The following FSD1L variants were observed in gnomAD, a reference collection of about 807,000 sequenced individuals.
The protein encoded by FSD1L is fibronectin type III and SPRY domain containing 1 like.
A neutral mutation model predicts 71.6 loss-of-function variants in FSD1L; 45 were observed. That is an observed-to-expected ratio of 0.63 (90% CI 0.49 to 0.81). FSD1L has a LOEUF of 0.81. Among genes scored for constraint, FSD1L ranks in the 30% least tolerant of loss-of-function variants. The pLI, the probability that FSD1L is intolerant of heterozygous loss-of-function variation, is 0.00. For missense variants in FSD1L, 561 were observed against 618.1 expected, an observed-to-expected ratio of 0.91 and a Z score of 0.98; for synonymous variants, 197 against 207.2, an observed-to-expected ratio of 0.95 and a Z score of 0.42.
At chr9:105,471,715 T>A (rs977065084) in intron 4 of FSD1L, among the ~76,000 whole-genome samples, 189 bp from the exon 5 acceptor site, 11 of 120,606 alleles carry the variant, frequency 9.1e-5, no homozygotes, top group African/African-American at 3.6e-4. Context: ...ATAAAAAAAA[T>A]AACACGTTTT....
chr9:105,463,446 A>G lies in FSD1L; in HGVS notation c.112-790A>G, dbSNP rs182788323. Among the ~76,000 whole-genome samples the G allele has an allele frequency of 5.3e-5, 8 of 152,342 alleles. No homozygotes were observed. The East Asian group carries it at 7.7e-4, about 15-fold the overall frequency. ...ACTGCAACTAGACTTGTGCTGTCCA[A>G]TATGATAGCATTGGTTACATTTGAC... On this transcript the variant is annotated intron_variant, in intron 2 of 13. Transcript: ENST00000481272.
intron 10 of FSD1L, chr9:105,524,694 T>C (rs568621322): frequency 7.4e-6 from 12 of 1,613,982 alleles, no homozygotes; most frequent in Admixed American, 5.0e-5. Flanking sequence ...CTCTCCTGAC[T>C]CAGAACGATC....
At chr9:105,471,275 A>G (rs1564090047) in intron 4 of FSD1L, among the ~76,000 whole-genome samples, 1 of 152,150 alleles carries the variant, frequency 6.6e-6, no homozygotes, top group Non-Finnish European at 1.5e-5. Context: ...GCAACTGGTA[A>G]TATTTTCCCT....
intron 13 of FSD1L, among the ~76,000 whole-genome samples, chr9:105,545,312 G>A (rs1166476669): frequency 6.8e-6 from 1 of 146,244 alleles, no homozygotes; most frequent in African/African-American, 2.7e-5. Context: ...ATCAGCTTAA[G>A]GAGATTTTGG....
At chr9:105,465,389 T>A (rs1830990969) in intron 3 of FSD1L, among the ~76,000 whole-genome samples, 1 of 152,142 alleles carries the variant, frequency 6.6e-6, no homozygotes, top group Non-Finnish European at 1.5e-5. Context: ...GAGGGAGTAG[T>A]TCCAAATCCA....
intron 2 of FSD1L, 84 bp downstream of exon 2, chr9:105,461,699 A>G: frequency 1.3e-6 from 1 of 766,248 alleles, no homozygotes; most frequent in Non-Finnish European, 2.2e-6. Flanking sequence ...GACTATACTC[A>G]TTAAAAAACA....
At chr9:105,488,193 C>T (rs1341709825) in intron 7 of FSD1L, among the ~76,000 whole-genome samples, 1 of 152,172 alleles carries the variant, frequency 6.6e-6, no homozygotes, top group East Asian at 1.9e-4. Context: ...TCGTTCCTTA[C>T]TCCCAGTCAA....
intron 7 of FSD1L, among the ~76,000 whole-genome samples, chr9:105,485,358 A>C (rs1044575576): frequency 2.0e-5 from 3 of 152,126 alleles, no homozygotes; most frequent in Non-Finnish European, 4.4e-5. Context: ...ACTTTGTAAG[A>C]ACCTTCTTTC....
intron 10 of FSD1L, among the ~76,000 whole-genome samples, chr9:105,519,333 C>G (rs1673960869): frequency 6.6e-6 from 1 of 152,122 alleles, no homozygotes; most frequent in African/African-American, 2.4e-5. Flanking sequence ...ATACCAAAAC[C>G]TGGCAGAGAC....
intron 7 of FSD1L, among the ~76,000 whole-genome samples, chr9:105,498,901 A>G (rs1354421745): frequency 6.6e-6 from 1 of 152,206 alleles, no homozygotes; most frequent in Non-Finnish European, 1.5e-5. Flanking sequence ...TACAGGCATG[A>G]GCCACCGCGC....
chr9:105,512,556 T>A (rs1007300371), intron 9 of FSD1L, among the ~76,000 whole-genome samples: 1 of 152,112 alleles, frequency 6.6e-6, no homozygotes, highest in African/African-American at 2.4e-5. Flanking sequence ...GAAATGTCAG[T>A]GACCATGCAA....
intron 7 of FSD1L, among the ~76,000 whole-genome samples, chr9:105,495,181 G>T (rs1833277658): frequency 6.6e-6 from 1 of 152,202 alleles, no homozygotes; most frequent in Non-Finnish European, 1.5e-5. Context: ...CTGCTTTGTT[G>T]ACCTAAGCAA....
intron 10 of FSD1L, among the ~76,000 whole-genome samples, chr9:105,518,627 C>A (rs1015291604): frequency 6.6e-6 from 1 of 152,096 alleles, no homozygotes; most frequent in African/African-American, 2.4e-5. Flanking sequence ...AACAAAGACA[C>A]AATGTACTAG....
intron 7 of FSD1L, among the ~76,000 whole-genome samples, chr9:105,488,514 G>C (rs1262034378): frequency 6.6e-6 from 1 of 152,130 alleles, no homozygotes; most frequent in Non-Finnish European, 1.5e-5. Context: ...GTAGACATAA[G>C]TTTTCAACTC....
rs536084027 is a variant in FSD1L, at chr9:105,516,813, T to C, written c.1025+3877T>C. On this transcript the variant is annotated intron_variant, in intron 10 of 13. Transcript: ENST00000481272. ...TTGCCAGCAAGGGAACAAACCTGGA[T>C]GGAGAATGAGTTTGACGAATTGACA... 2.4e-4 allele frequency among the ~76,000 whole-genome samples: 36 copies of C among 152,192 alleles called. 1 individual carries two copies. The highest frequency in any genetic ancestry group is 2.3e-3 in the Admixed American group (35 of 15,290).
At chr9:105,472,092 T>G in intron 5 of FSD1L, 87 bp downstream of exon 5, 1 of 1,330,132 alleles carries the variant, frequency 7.5e-7, no homozygotes, top group Non-Finnish European at 9.8e-7. Context: ...TTGGATTTCT[T>G]TACTGATTTC....
chr9:105,526,499 C>T (rs549602903), intron 10 of FSD1L: 49 of 1,612,232 alleles, frequency 3.0e-5, no homozygotes, highest in African/African-American at 2.1e-4. Context: ...CATGAAGCTG[C>T]GTCGTTCCTC....
rs976158906 is a variant in FSD1L, at chr9:105,448,119, G to A, written c.-102G>A. On this transcript the variant is annotated 5_prime_UTR_variant, in exon 1 of 14. Coordinates refer to ENST00000481272, the MANE Select transcript of FSD1L (RefSeq NM_001145313.3). ...GGCCGGGCGGTGCCGGTGCGGGCTG[G>A]GGCAGTGCAGTGAGTAGCGGTCTTG... 4 of 1,270,676 alleles carry A rather than the reference G, an allele frequency of 3.1e-6. No individual in the cohort carries two copies. Among genetic ancestry groups the A allele is most frequent in the Non-Finnish European group, 3.3e-6 (3 of 899,236 alleles). 78.7% of individuals were successfully genotyped at this position (1,270,676 alleles called of 1,614,324 possible). A position where few individuals can be genotyped will look rare whatever the true frequency, so the allele number is the denominator to read the frequency against.
At chr9:105,525,209 G>T (rs566069896) in intron 10 of FSD1L, 1 of 1,603,586 alleles carries the variant, frequency 6.2e-7, no homozygotes, top group African/African-American at 1.3e-5. Flanking sequence ...AGATATAACC[G>T]TAAAAGATGG....
Sources: allele counts gnomAD v4.1 joint callset (sites outside exome capture counted in the v4.1 genomes callset), GRCh38; gene constraint gnomAD v4.1.1; transcripts MANE v1.5; gene names NCBI Gene and HGNC (gene_info 2026-07-23, HGNC 2026-07-21).